Variants in ASTN2 observed in about 807,000 individuals in gnomAD.
ASTN2 encodes the protein astrotactin 2, also known as astrotactin-2.
ASTN2 carries 54 observed loss-of-function variants against 139.8 expected under a neutral mutation model. That is an observed-to-expected ratio of 0.39 (90% CI 0.31 to 0.48). ASTN2 has a LOEUF of 0.48. Ranked by LOEUF, ASTN2 falls within the 20% of genes least tolerant of loss-of-function variation. The pLI is 0.95. For synonymous variants in ASTN2, 756 were observed against 719.5 expected (o/e 1.05, Z -0.81); for missense variants, 1,565 against 1,725.1 (o/e 0.91, Z 1.64).
chr9:116,884,390 A>G (rs1465558170), intron 10 of ASTN2, among the ~76,000 whole-genome samples: 1 of 152,190 alleles, frequency 6.6e-6, no homozygotes, highest in East Asian at 1.9e-4. Context: ...GGTGGAGGCT[A>G]GAAGTCCAAA....
chr9:116,559,659 C>T (rs1852808499), intron 19 of ASTN2, among the ~76,000 whole-genome samples: 1 of 152,160 alleles, frequency 6.6e-6, no homozygotes, highest in African/African-American at 2.4e-5. Context: ...CTGATCACAT[C>T]TAATACCAAG....
chr9:116,780,583 A>C (rs1830192070), intron 13 of ASTN2, among the ~76,000 whole-genome samples: 1 of 152,148 alleles, frequency 6.6e-6, no homozygotes, highest in Non-Finnish European at 1.5e-5. Flanking sequence ...CCAGGGGAGA[A>C]GAGAGAAGGC....
At position 116,733,461 on chromosome 9, in the gene ASTN2, G is replaced by C; in HGVS notation, c.2459C>G (p.Pro820Arg). 6 of 1,614,158 alleles carry C rather than the reference G, an allele frequency of 3.7e-6. No individual in the cohort carries two copies. Among genetic ancestry groups the C allele is most frequent in the Non-Finnish European group, 5.1e-6 (6 of 1,180,018 alleles). The change falls in exon 14 of 23, where the codon CCG (proline) becomes CGG (arginine). Residue 820 changes from proline to arginine, a missense_variant. Coordinates refer to ENST00000313400, the MANE Select transcript of ASTN2 (RefSeq NM_001365068.1). Reference protein sequence around the residue: ...LADGLLVIPLPVEEQCRGVLS... With the variant: ...LADGLLVIPLRVEEQCRGVLS... ...GACCCCCCGGCACTGCTCCTCCACC[G>C]GCAGCGGGATCACCAACAGCCCATC...
Position 116,699,059 on chromosome 9 carries a change from G to C in ASTN2, c.2806+26712C>G. 6.2e-7 allele frequency: 1 copy of C among 1,614,182 alleles called. No homozygotes were observed. Among genetic ancestry groups the C allele is most frequent in the Non-Finnish European group, 8.5e-7 (1 of 1,180,008 alleles). Reference sequence around the variant, plus strand: ...CTCTCTCAGTGGCAATGAACTGCCAGGGGCTGATTGGTGTGACTGACAGCT... The same window carrying C: ...CTCTCTCAGTGGCAATGAACTGCCACGGGCTGATTGGTGTGACTGACAGCT... On this transcript the variant is annotated intron_variant, in intron 16 of 22. Coordinates refer to ENST00000313400, the MANE Select transcript of ASTN2 (RefSeq NM_001365068.1). This position sits in a 1 kb window ranked among gnomAD's most constrained non-coding sequence, Gnocchi z 4.2.
chr9:116,686,708 A>G (rs886207334), intron 16 of ASTN2: 20 of 1,550,516 alleles, frequency 1.3e-5, no homozygotes, highest in Non-Finnish European at 1.7e-5. Context: ...TTCAGTCTGC[A>G]GGGACAGGGG....
intron 20 of ASTN2, among the ~76,000 whole-genome samples, chr9:116,465,001 C>T (rs954009161): frequency 1.1e-4 from 17 of 152,298 alleles, no homozygotes; most frequent in African/African-American, 4.1e-4. Flanking sequence ...TCCCTGTAGT[C>T]GTTATGGAGG....
At chr9:116,614,486 C>G (rs1392187195) in intron 19 of ASTN2, among the ~76,000 whole-genome samples, 1 of 152,136 alleles carries the variant, frequency 6.6e-6, no homozygotes, top group Non-Finnish European at 1.5e-5. Context: ...TAAAAGGCTA[C>G]AGTAACCAAA....
At chr9:116,923,109 C>A (rs73527992) in intron 10 of ASTN2, among the ~76,000 whole-genome samples, 2,938 of 152,210 alleles carry the variant, frequency 0.019, 80 homozygotes, top group African/African-American at 0.062. Flanking sequence ...AAACAAAGCC[C>A]GCCTAAATCT....
chr9:117,017,491 G>A (rs113415862), intron 6 of ASTN2, among the ~76,000 whole-genome samples: 2 of 152,246 alleles, frequency 1.3e-5, no homozygotes, highest in African/African-American at 4.8e-5. Flanking sequence ...GGAGTCTAAC[G>A]GGAACAGATT....
At chr9:116,583,633 C>A (rs1057172561) in intron 19 of ASTN2, 2 of 151,520 alleles carry the variant, frequency 1.3e-5, no homozygotes, top group African/African-American at 4.9e-5. Flanking sequence ...GGAAAAGCAA[C>A]TTTCCAAAAG....
intron 13 of ASTN2, among the ~76,000 whole-genome samples, chr9:116,803,523 T>TATATGTATATATATATATA (rs71379231): frequency 1.8e-4 from 1 of 5,442 alleles, no homozygotes. Flanking sequence ...TATATATATA[T>TATATGTATATATATATATA]TTTTTTTTTT....
intron 13 of ASTN2, among the ~76,000 whole-genome samples, chr9:116,754,193 C>A (rs1213699769): frequency 6.6e-6 from 1 of 152,074 alleles, no homozygotes; most frequent in Non-Finnish European, 1.5e-5. Context: ...GCCACATTTT[C>A]TTTTTCCAGT....
At chr9:117,307,444 C>A (rs1381207049) in intron 1 of ASTN2, among the ~76,000 whole-genome samples, 1 of 152,202 alleles carries the variant, frequency 6.6e-6, no homozygotes, top group African/African-American at 2.4e-5. Flanking sequence ...TTGATGCATT[C>A]CATGACACAC....
chr9:116,948,174 T>C (rs1227792709), intron 10 of ASTN2, among the ~76,000 whole-genome samples: 1 of 152,224 alleles, frequency 6.6e-6, no homozygotes, highest in Non-Finnish European at 1.5e-5. Context: ...TCAATTAAGA[T>C]GTTGTCTGCC....
chr9:117,008,584 G>A (rs1047951194), intron 6 of ASTN2, among the ~76,000 whole-genome samples: 2 of 152,160 alleles, frequency 1.3e-5, no homozygotes, highest in Non-Finnish European at 2.9e-5. Context: ...TACTTCCTCT[G>A]TAAAGGAGAA....
intron 5 of ASTN2, among the ~76,000 whole-genome samples, chr9:117,064,208 T>G (rs1827864528): frequency 6.6e-6 from 1 of 151,794 alleles, no homozygotes; most frequent in Admixed American, 6.6e-5. Context: ...AGATTAACAG[T>G]GGTGTTAGAG....
intron 17 of ASTN2, among the ~76,000 whole-genome samples, chr9:116,632,143 A>G: frequency 1.2e-5 from 1 of 80,506 alleles, no homozygotes; most frequent in Non-Finnish European, 2.4e-5. Context: ...AGAGAGAGAG[A>G]GAGAGAGAGA....
chr9:117,074,024 A>G (rs1024967010), intron 5 of ASTN2, among the ~76,000 whole-genome samples: 1 of 152,072 alleles, frequency 6.6e-6, no homozygotes, highest in Admixed American at 6.5e-5. Flanking sequence ...GATGGCCATT[A>G]TTATCCCCGG....
chr9:116,478,253 G>GGGAA (rs770411627), intron 20 of ASTN2, among the ~76,000 whole-genome samples: 2,229 of 128,662 alleles, frequency 0.017, 57 homozygotes, highest in African/African-American at 0.04. Context: ...GAGGGAGGGA[G>GGGAA]GGAAGGAAGG....
Sources: allele counts gnomAD v4.1 joint callset (sites outside exome capture counted in the v4.1 genomes callset), GRCh38; gene constraint gnomAD v4.1.1; non-coding constraint Gnocchi (gnomAD v3.1); transcripts MANE v1.5; gene names NCBI Gene and HGNC (gene_info 2026-07-23, HGNC 2026-07-21).